The following RHEBL1 variants were observed in gnomAD, a reference collection of about 807,000 sequenced individuals.
RHEBL1 encodes RHEB like 1, also known as GTPase RhebL1.
Under a neutral mutation model 27.4 loss-of-function variants are expected in RHEBL1, and 22 were observed. The ratio of observed to expected loss-of-function variants is 0.80; its 90% CI spans 0.57 to 1.15. The LOEUF (loss-of-function observed/expected upper bound fraction) is 1.15. Ranked by LOEUF, RHEBL1 falls within the 50% of genes most tolerant of loss-of-function variation. The probability of loss-of-function intolerance (pLI) is 0.00; values close to 1 mark genes in which losing one functional copy is unlikely to be tolerated. For missense variants in RHEBL1, 186 were observed against 226.5 expected (o/e 0.82, Z 1.15); for synonymous variants, 85 against 80.8 (o/e 1.05, Z -0.28).
At chr12:49,065,486 T>C in intron 6 of RHEBL1, 55 bp from the exon 7 acceptor site, 1 of 1,443,498 alleles carries the variant, frequency 6.9e-7, no homozygotes, top group Middle Eastern at 1.7e-4. Context: ...GTAAGTGCTC[T>C]GAAAAATCTT....
chr12:49,065,903 C>G (rs1938989253), intron 6 of RHEBL1, among the ~76,000 whole-genome samples: 1 of 150,108 alleles, frequency 6.7e-6, no homozygotes, highest in Non-Finnish European at 1.5e-5. Context: ...CCAGCCTGGG[C>G]AACAGAGCAA....
Position 49,069,966 on chromosome 12 carries a change from A to C in RHEBL1, c.-181T>G. On this transcript the variant is annotated 5_prime_UTR_variant, in exon 1 of 8. Coordinates refer to ENST00000301068, the MANE Select transcript of RHEBL1 (RefSeq NM_144593.3). ...CCGGAGCTGCCCACGTGATCACAAC[A>C]CAGCACGTCTAACGCCAGGGAGCCG... is the stretch of plus-strand genomic sequence containing the variant. The C allele has an allele frequency of 1.6e-6, 1 of 608,678 alleles. No homozygotes were observed. The highest frequency in any genetic ancestry group is 2.8e-5 in the Admixed American group (1 of 35,136). 37.7% of individuals were successfully genotyped at this position (608,678 alleles called of 1,614,324 possible). A position where few individuals can be genotyped will look rare whatever the true frequency, so the allele number is the denominator to read the frequency against.
chr12:49,064,861 T>A lies in RHEBL1; in HGVS notation c.*242A>T. 1 of 531,254 alleles carries A rather than the reference T, an allele frequency of 1.9e-6. No homozygotes were observed. The highest frequency in any genetic ancestry group is 2.3e-5 in the South Asian group (1 of 43,570). The allele number at this position is 531,254 out of a possible 1,614,324, so 32.9% of individuals were successfully genotyped here. On this transcript the variant is annotated 3_prime_UTR_variant, in exon 8 of 8. Transcript: ENST00000301068. ...ACCCCATAGGTTATAACAGAATTCA[T>A]CAAACAAAAACAGAGGGCTAGAGGC...
intron 6 of RHEBL1, 112 bp from the exon 7 acceptor site, chr12:49,065,543 G>T: frequency 2.3e-6 from 2 of 855,350 alleles, no homozygotes; most frequent in Non-Finnish European, 3.9e-6. Flanking sequence ...TGCCTGTAAT[G>T]CAGCACTTTG....
chr12:49,069,575 C>T (rs1335431682), intron 1 of RHEBL1, among the ~76,000 whole-genome samples, 159 bp downstream of exon 1: 1 of 47,034 alleles, frequency 2.1e-5, no homozygotes, highest in Admixed American at 1.7e-4. Flanking sequence ...CCAACTCTTC[C>T]AATCCTCCAC....
rs765107007 is a variant in RHEBL1 at position 49,069,082 on chromosome 12, A to G, written c.77T>C (p.Phe26Ser). 1.2e-6 allele frequency: 2 copies of G among 1,614,082 alleles called. No individual in the cohort carries two copies. The highest frequency in any genetic ancestry group is 1.7e-5 in the Admixed American group (1 of 60,024). The change falls in exon 2 of 8, where the codon TTT becomes TCT. Residue 26 changes from phenylalanine to serine, a missense_variant. Phe to Ser is a radical substitution (Grantham distance 155). This residue lies in a region of RHEBL1 where 62 missense variants were observed against 62.1 expected (regional missense o/e 1.00). Coordinates refer to ENST00000301068, the MANE Select transcript of RHEBL1 (RefSeq NM_144593.3). ...GCCTTCCGAGAACTCGCCTTCCACAAATTGATGTGCCAAAGATGTCTTCCC... is the reference window on the plus strand; with the variant it reads ...GCCTTCCGAGAACTCGCCTTCCACAGATTGATGTGCCAAAGATGTCTTCCC... The part of the protein sequence containing the change: ...CVGKTSLAHQ[F>S]VEGEFSEGYD...
chr12:49,069,578 TCCTCCACTCTTCC>T (rs200055056), intron 1 of RHEBL1, among the ~76,000 whole-genome samples, 143 bp downstream of exon 1: 67,340 of 151,210 alleles, frequency 0.45, 15,071 homozygotes, highest in South Asian at 0.54. Context: ...ACTCTTCCAA[TCCTCCACTCTTCC>T]ATTCCTCCAC....
At chr12:49,069,278 G>T (rs1939048717) in intron 1 of RHEBL1, 172 bp from the exon 2 acceptor site, 3 of 1,169,908 alleles carry the variant, frequency 2.6e-6, no homozygotes, top group Non-Finnish European at 1.2e-6. Context: ...TTCACCCAGG[G>T]TCTCCGCACT....
At chr12:49,069,413 C>A (rs1939050724) in intron 1 of RHEBL1, among the ~76,000 whole-genome samples, 1 of 151,430 alleles carries the variant, frequency 6.6e-6, no homozygotes, top group Non-Finnish European at 1.5e-5. Flanking sequence ...AGGACACCTG[C>A]GACTATCTGT....
At chr12:49,066,435 C>G (rs370921880) in intron 5 of RHEBL1, 41 bp downstream of exon 5, 2 of 1,601,398 alleles carry the variant, frequency 1.2e-6, no homozygotes, top group Non-Finnish European at 1.7e-6. Flanking sequence ...CTCCCACCCC[C>G]TCATGCCCAC....
Position 49,066,271 on chromosome 12 carries a change from C to G in RHEBL1, c.340G>C (p.Val114Leu). 6.2e-7 allele frequency: 1 copy of G among 1,613,968 alleles called. No individual in the cohort carries two copies. The highest frequency in any genetic ancestry group is 8.5e-7 in the Non-Finnish European group (1 of 1,179,848). Residue 114 changes from valine (V) to leucine (L), a missense_variant, in exon 6 of 8, where the codon GTG (valine) becomes CTG (leucine). By Grantham distance (32) the Val-to-Leu change is conservative. Transcript: ENST00000301068. ...TCTGCCTTGTTCCCCACTAGAACCA[C>G]TGGCACCCTGTGAGGAAACAGCAGT... ...HEGHGKTRVPVVLVGNKADLS... is the reference protein window; with the variant it reads ...HEGHGKTRVPLVLVGNKADLS...
chr12:49,069,468 C>T (rs1939051491), intron 1 of RHEBL1, among the ~76,000 whole-genome samples: 2 of 146,434 alleles, frequency 1.4e-5, no homozygotes, highest in South Asian at 4.7e-4. Context: ...GACCCCACCC[C>T]TATCCCCAAA....
chr12:49,064,843 A>C lies in RHEBL1; in HGVS notation c.*260T>G. The C allele has an allele frequency of 2.1e-6, 1 of 476,810 alleles. No homozygotes were observed. The highest frequency in any genetic ancestry group is 3.8e-6 in the Non-Finnish European group (1 of 260,888). 29.5% of individuals were successfully genotyped at this position (476,810 alleles called of 1,614,324 possible). On this transcript the variant is annotated 3_prime_UTR_variant, in exon 8 of 8. Coordinates refer to ENST00000301068, the MANE Select transcript of RHEBL1 (RefSeq NM_144593.3). ...CCCAGGACTCATATCCTGACCCCAT[A>C]GGTTATAACAGAATTCATCAAACAA...
intron 6 of RHEBL1, 150 bp downstream of exon 6, chr12:49,066,081 G>C: frequency 1.6e-6 from 1 of 643,976 alleles, no homozygotes. Flanking sequence ...TGGCTTTTAA[G>C]ATAGAAGTAT....
At chr12:49,066,746 A>G (rs576264898) in intron 3 of RHEBL1, 45 bp from the exon 4 acceptor site, 4 of 1,561,868 alleles carry the variant, frequency 2.6e-6, no homozygotes, top group Non-Finnish European at 3.5e-6. Context: ...CAAACCACTA[A>G]GATGGCAAAG....
intron 5 of RHEBL1, 51 bp from the exon 6 acceptor site, chr12:49,066,329 C>T (rs1483834932): frequency 1.3e-6 from 2 of 1,583,168 alleles, no homozygotes; most frequent in Non-Finnish European, 1.7e-6. Context: ...CCGCATTCCC[C>T]AACTCCTTAC....
At position 49,069,043 on chromosome 12, in the gene RHEBL1, A is replaced by G. The variant is rs1186251747; in HGVS notation, c.116T>C (p.Val39Ala). 1.2e-6 allele frequency: 2 copies of G among 1,613,690 alleles called. No individual in the cohort carries two copies. The highest frequency in any genetic ancestry group is 1.7e-6 in the Non-Finnish European group (2 of 1,179,828). Residue 39 changes from valine to alanine, a missense_variant, in exon 2 of 8, where the codon GTG becomes GCG. By Grantham distance (64) the Val-to-Ala change is moderately conservative. This residue lies in a region of RHEBL1 where 62 missense variants were observed against 62.1 expected (regional missense o/e 1.00). Coordinates refer to ENST00000301068, the MANE Select transcript of RHEBL1 (RefSeq NM_144593.3). ...GGGAGAAGTCTACTCACTATTCTCC[A>G]CTGTAGGATCGTAGCCTTCCGAGAA... ...GEFSEGYDPT[V>A]ENTYSKIVTL...
chr12:49,068,115 T>C (rs1454275164), intron 2 of RHEBL1, among the ~76,000 whole-genome samples: 1 of 139,082 alleles, frequency 7.2e-6, no homozygotes, highest in Non-Finnish European at 1.6e-5. Context: ...CTTACATTCT[T>C]TTTATTCTTT....
At chr12:49,065,301 A>T in intron 7 of RHEBL1, 49 bp downstream of exon 7, 1 of 1,580,362 alleles carries the variant, frequency 6.3e-7, no homozygotes, top group African/African-American at 1.3e-5. Context: ...CAGTACAATA[A>T]GGAAAACACA....
Sources: gnomAD v4.1 joint callset for allele counts (sites outside exome capture counted in the v4.1 genomes callset) on GRCh38, gnomAD v4.1.1 for gene constraint, gnomAD v4.1.1 regional missense constraint, MANE v1.5 for transcripts, NCBI Gene and HGNC (gene_info 2026-07-23, HGNC 2026-07-21) for gene names.